The following CSMD1 variants were observed in gnomAD, a reference collection of about 807,000 sequenced individuals.
The protein encoded by CSMD1 is CUB and sushi domain-containing protein 1.
A neutral mutation model predicts 417.5 loss-of-function variants in CSMD1; 213 were observed. The ratio of observed to expected loss-of-function variants is 0.51; its 90% CI spans 0.46 to 0.57. CSMD1 has a LOEUF of 0.57. Among genes scored for constraint, CSMD1 ranks in the 20% least tolerant of loss-of-function variants. The probability of loss-of-function intolerance (pLI) is 0.00; values close to 1 mark genes in which losing one functional copy is unlikely to be tolerated. For missense variants in CSMD1, 6,923 were observed against 4,529.7 expected, an observed-to-expected ratio of 1.53 and a Z score of -15.17; for synonymous variants, 2,862 against 1,736.8, an observed-to-expected ratio of 1.65 and a Z score of -16.11.
intron 2 of CSMD1, among the ~76,000 whole-genome samples, chr8:4,439,268 A>G (rs968141070): frequency 1.3e-5 from 2 of 152,166 alleles, no homozygotes; most frequent in Non-Finnish European, 2.9e-5. Flanking sequence ...TTAAACAACT[A>G]CTAAATTGAA....
intron 3 of CSMD1, among the ~76,000 whole-genome samples, chr8:4,081,604 A>G (rs1403173000): frequency 1.3e-5 from 2 of 152,184 alleles, no homozygotes; most frequent in Non-Finnish European, 2.9e-5. Context: ...ACTGCAGAAT[A>G]CATAAATTTT....
chr8:3,178,596 G>A (rs924480993), intron 37 of CSMD1, among the ~76,000 whole-genome samples: 2 of 152,148 alleles, frequency 1.3e-5, no homozygotes, highest in Non-Finnish European at 2.9e-5. Flanking sequence ...ACCCAGGAAG[G>A]CTAAAAATGC....
At chr8:3,827,347 G>C (rs962489523) in intron 5 of CSMD1, among the ~76,000 whole-genome samples, 4 of 152,086 alleles carry the variant, frequency 2.6e-5, no homozygotes, top group East Asian at 1.9e-4. Flanking sequence ...AATAACTATA[G>C]ACAACAATTT....
At chr8:4,217,852 A>G (rs1047417760) in intron 3 of CSMD1, among the ~76,000 whole-genome samples, 11 of 152,168 alleles carry the variant, frequency 7.2e-5, no homozygotes, top group African/African-American at 2.4e-4. Context: ...GAAAATGTGA[A>G]AAGGTGAGCC....
chr8:4,045,179 G>A (rs1275911627), intron 3 of CSMD1, among the ~76,000 whole-genome samples: 3 of 152,138 alleles, frequency 2.0e-5, no homozygotes, highest in Non-Finnish European at 2.9e-5. Flanking sequence ...GGTACCGGGT[G>A]CTGAGGTACT....
intron 54 of CSMD1, among the ~76,000 whole-genome samples, chr8:2,983,441 C>G (rs1327962389): frequency 6.6e-6 from 1 of 152,206 alleles, no homozygotes; most frequent in African/African-American, 2.4e-5. Flanking sequence ...CTGCCTCAGC[C>G]TCCCAAAGTG....
rs188981182 is a variant in CSMD1 at position 4,830,878 on chromosome 8, G to C, written c.85+163454C>G. ...AAATTCTGGGAAAAAAGAAAATCAAGATGATTCCTCTAGAATAGAGTCTAA... is the reference window on the plus strand; with the variant it reads ...AAATTCTGGGAAAAAAGAAAATCAACATGATTCCTCTAGAATAGAGTCTAA... On this transcript the variant is annotated intron_variant, in intron 1 of 69. Transcript: ENST00000635120. 2.0e-5 allele frequency among the ~76,000 whole-genome samples: 3 copies of C among 152,262 alleles called. No homozygotes were observed. In the East Asian group the frequency reaches 5.8e-4, roughly 29 times the overall value.
At chr8:4,216,460 A>C (rs1022090583) in intron 3 of CSMD1, among the ~76,000 whole-genome samples, 2 of 152,162 alleles carry the variant, frequency 1.3e-5, no homozygotes, top group Non-Finnish European at 2.9e-5. Context: ...AAGCTTGTTA[A>C]ATTAGTAATT....
intron 1 of CSMD1, among the ~76,000 whole-genome samples, chr8:4,701,334 T>A (rs1235242642): frequency 6.7e-6 from 1 of 149,356 alleles, no homozygotes; most frequent in Non-Finnish European, 1.5e-5. Context: ...TTTTTTTAAC[T>A]CTGCTTAAGA....
chr8:4,473,002 A>G (rs1800620892), intron 2 of CSMD1, among the ~76,000 whole-genome samples: 3 of 151,802 alleles, frequency 2.0e-5, no homozygotes, highest in Admixed American at 2.0e-4. Context: ...GTACACATAA[A>G]TTATATTGTT....
chr8:4,807,832 T>C (rs1248179481), intron 1 of CSMD1, among the ~76,000 whole-genome samples: 1 of 152,124 alleles, frequency 6.6e-6, no homozygotes, highest in African/African-American at 2.4e-5. Context: ...TTAATAATAA[T>C]AGCAAGCTAT....
chr8:4,332,745 G>C (rs541985340), intron 3 of CSMD1, among the ~76,000 whole-genome samples: 2 of 151,884 alleles, frequency 1.3e-5, no homozygotes, highest in Admixed American at 6.6e-5. Flanking sequence ...ACCATTCTTA[G>C]ACACATATGT....
chr8:3,915,102 A>T (rs936944584), intron 5 of CSMD1, among the ~76,000 whole-genome samples: 5 of 152,104 alleles, frequency 3.3e-5, no homozygotes, highest in Non-Finnish European at 7.3e-5. Flanking sequence ...CTAATAATGA[A>T]GAGTCAAGAG....
chr8:3,160,357 A>G (rs1445129878), intron 38 of CSMD1, among the ~76,000 whole-genome samples: 1 of 152,134 alleles, frequency 6.6e-6, no homozygotes, highest in Non-Finnish European at 1.5e-5. Context: ...TCCTCGATTC[A>G]AGCAATCCTC....
chr8:4,818,593 G>C (rs1173467421), intron 1 of CSMD1, among the ~76,000 whole-genome samples: 2 of 152,106 alleles, frequency 1.3e-5, no homozygotes, highest in African/African-American at 4.8e-5. Flanking sequence ...TAAATCATGT[G>C]TCAGGCCACT....
intron 6 of CSMD1, among the ~76,000 whole-genome samples, chr8:3,743,739 G>T (rs1285178258): frequency 6.6e-6 from 1 of 152,084 alleles, no homozygotes; most frequent in African/African-American, 2.4e-5. Flanking sequence ...ACTCCCAGGT[G>T]TTTCTGTTAA....
chr8:3,012,435 G>T lies in CSMD1; in HGVS notation c.8029+6042C>A, dbSNP rs573113935. On this transcript the variant is annotated intron_variant, in intron 52 of 69. Transcript: ENST00000635120. ...GATTCCAGCATATTCTCCCATGTTG[G>T]AAGTCACTGGAAACAACTAGCATGC... Among the ~76,000 whole-genome samples, 55 of 152,242 alleles carry T rather than the reference G, an allele frequency of 3.6e-4. 1 individual carries two copies. Among genetic ancestry groups the T allele is most frequent in the African/African-American group, 1.3e-3 (52 of 41,544 alleles).
chr8:3,753,662 C>T (rs1439833197), intron 6 of CSMD1, among the ~76,000 whole-genome samples: 1 of 152,106 alleles, frequency 6.6e-6, no homozygotes, highest in Non-Finnish European at 1.5e-5. Context: ...TAATTAAAAT[C>T]AATGATAATA....
At chr8:3,712,966 G>A (rs1295645079) in intron 6 of CSMD1, among the ~76,000 whole-genome samples, 1 of 152,128 alleles carries the variant, frequency 6.6e-6, no homozygotes, top group African/African-American at 2.4e-5. Context: ...TGTATTGTGT[G>A]CTTCAAAGGT....
Sources: allele counts gnomAD v4.1 joint callset (sites outside exome capture counted in the v4.1 genomes callset), GRCh38; gene constraint gnomAD v4.1.1; transcripts MANE v1.5; gene names NCBI Gene and HGNC (gene_info 2026-07-23, HGNC 2026-07-21).